TBC1D8: variants seen among roughly 807,000 people sequenced by gnomAD.
TBC1D8 encodes TBC1 domain family member 8, also known as BUB2-like protein 1.
TBC1D8 carries 65 observed loss-of-function variants against 118.8 expected under a neutral mutation model. That is an observed-to-expected ratio of 0.55 (90% CI 0.45 to 0.67). TBC1D8 has a LOEUF of 0.67. Ranked by LOEUF, TBC1D8 falls within the 30% of genes least tolerant of loss-of-function variation. The probability of loss-of-function intolerance (pLI) is 0.00; values close to 1 mark genes in which losing one functional copy is unlikely to be tolerated. For missense variants in TBC1D8, 1,376 were observed against 1,471.2 expected (o/e 0.94, Z 1.06); for synonymous variants, 566 against 595.8 (o/e 0.95, Z 0.73).
At chr2:101,066,397 C>T (rs1216536459) in intron 2 of TBC1D8, among the ~76,000 whole-genome samples, 1 of 151,884 alleles carries the variant, frequency 6.6e-6, no homozygotes, top group African/African-American at 2.4e-5. Context: ...AGACCCAGCT[C>T]AAACCTTTAG....
intron 1 of TBC1D8, among the ~76,000 whole-genome samples, chr2:101,127,084 T>TCCA (rs1008484254): frequency 8.5e-5 from 13 of 152,114 alleles, no homozygotes; most frequent in Non-Finnish European, 1.5e-4. Context: ...TACCTGTAAT[T>TCCA]CCAGCACTCT....
rs1573127545 is a variant in TBC1D8, at chr2:101,150,493, A to C, written c.127+634T>G. ...AATGCTTTGTTTTATCATCAACTTT[A>C]CGAGCCTGGGTTTTTTTTCCTATCA... On this transcript the variant is annotated intron_variant, in intron 1 of 19. Transcript: ENST00000409318. Among the ~76,000 whole-genome samples, 4 of 152,200 alleles carry C rather than the reference A, an allele frequency of 2.6e-5. No individual in the cohort carries two copies. In the East Asian group the frequency reaches 7.7e-4, roughly 29 times the overall value.
At chr2:101,122,113 C>T (rs1270339332) in intron 1 of TBC1D8, among the ~76,000 whole-genome samples, 15 of 147,152 alleles carry the variant, frequency 1.0e-4, no homozygotes, top group East Asian at 4.1e-4. Context: ...TGCTCTGCCG[C>T]GAGGCTGGAG....
intron 1 of TBC1D8, among the ~76,000 whole-genome samples, chr2:101,095,420 A>G (rs1357730062): frequency 2.3e-5 from 2 of 88,420 alleles, no homozygotes; most frequent in Admixed American, 2.9e-4. Context: ...ACCCCACAAC[A>G]GTCCCCGGTG....
At chr2:101,029,455 A>C (rs1275180860) in intron 12 of TBC1D8, 36 bp downstream of exon 12, 2 of 1,593,962 alleles carry the variant, frequency 1.3e-6, no homozygotes, top group East Asian at 4.5e-5. Flanking sequence ...TGCCTCCTCC[A>C]TCTCTGGTTG....
At chr2:101,026,024 A>C (rs1208014716) in intron 15 of TBC1D8, among the ~76,000 whole-genome samples, 3 of 152,234 alleles carry the variant, frequency 2.0e-5, no homozygotes, top group Admixed American at 1.3e-4. Flanking sequence ...ACAGGAAACA[A>C]ACATGGTTGG....
At chr2:101,011,357 A>G in intron 18 of TBC1D8, 94 bp downstream of exon 18, 1 of 1,230,162 alleles carries the variant, frequency 8.1e-7, no homozygotes, top group Non-Finnish European at 1.2e-6. Context: ...GGAAAAGACA[A>G]GGCTGCTACA....
At chr2:101,037,751 A>C (rs1681114159) in intron 7 of TBC1D8, 43 bp from the exon 8 acceptor site, 1 of 1,605,408 alleles carries the variant, frequency 6.2e-7, no homozygotes. Flanking sequence ...AGAGGAGAGG[A>C]GAAAATCATG....
At chr2:101,089,784 A>G (rs1675894237) in intron 2 of TBC1D8, among the ~76,000 whole-genome samples, 1 of 152,148 alleles carries the variant, frequency 6.6e-6, no homozygotes, top group Admixed American at 6.5e-5. Context: ...GCACATTGGT[A>G]AGTCAGAAAC....
chr2:101,147,558 G>C (rs554778688), intron 1 of TBC1D8, among the ~76,000 whole-genome samples: 3 of 152,292 alleles, frequency 2.0e-5, no homozygotes, highest in South Asian at 2.1e-4. Context: ...CTGGAGTGCG[G>C]TATTTCCTTG....
In TBC1D8 at chr2:101,040,421, G is replaced by GA. The variant is rs201545645; in HGVS notation, c.873-37dup. 21 of 1,551,044 alleles carry GA rather than the reference G, an allele frequency of 1.4e-5. No homozygotes were observed. In the East Asian group the frequency reaches 5.0e-4, roughly 37 times the overall value. On this transcript the variant is annotated intron_variant, in intron 5 of 19. Coordinates refer to ENST00000409318, the MANE Select transcript of TBC1D8 (RefSeq NM_001330348.2). ...ACAGGGAGAGAAGAAGAAGAGATAGGAAAGGTGAATGGACAGCCAAGATTA... is the reference window on the plus strand; with the variant it reads ...ACAGGGAGAGAAGAAGAAGAGATAGGAAAAGGTGAATGGACAGCCAAGATTA...
chr2:101,091,371 G>A (rs1349217245), intron 1 of TBC1D8, among the ~76,000 whole-genome samples: 1 of 152,120 alleles, frequency 6.6e-6, no homozygotes, highest in Non-Finnish European at 1.5e-5. Flanking sequence ...GCATTTTCCT[G>A]TAATGAGTGG....
chr2:101,094,183 G>A (rs1355342533), intron 1 of TBC1D8, among the ~76,000 whole-genome samples: 1 of 152,102 alleles, frequency 6.6e-6, no homozygotes, highest in Non-Finnish European at 1.5e-5. Context: ...ATACTCCTTA[G>A]GCTGCTCAGA....
intron 1 of TBC1D8, among the ~76,000 whole-genome samples, chr2:101,135,229 G>A (rs888460898): frequency 2.0e-5 from 3 of 152,132 alleles, no homozygotes; most frequent in African/African-American, 7.2e-5. Context: ...TGAGATACAC[G>A]TCTTGTCAAA....
At chr2:101,010,048 A>G (rs1056851086) in intron 19 of TBC1D8, among the ~76,000 whole-genome samples, 7 of 151,768 alleles carry the variant, frequency 4.6e-5, no homozygotes, top group African/African-American at 1.7e-4. Flanking sequence ...GGATGGTCTC[A>G]ATCTTCTGAC....
intron 5 of TBC1D8, among the ~76,000 whole-genome samples, chr2:101,043,715 G>A (rs897599766): frequency 6.6e-6 from 1 of 152,176 alleles, no homozygotes; most frequent in Non-Finnish European, 1.5e-5. Context: ...GCCGAGCTGG[G>A]CAGATCACGA....
chr2:101,029,771 G>C lies in TBC1D8; in HGVS notation c.1942C>G (p.Gln648Glu). 1 of 1,612,248 alleles carries C rather than the reference G, an allele frequency of 6.2e-7. No homozygotes were observed. Among genetic ancestry groups the C allele is most frequent in the Non-Finnish European group, 8.5e-7 (1 of 1,178,412 alleles). The change falls in exon 12 of 20, where the codon CAA becomes GAA. Residue 648 changes from glutamine to glutamate, a missense_variant. Gln to Glu is a conservative substitution (Grantham distance 29). Transcript: ENST00000409318. ...TCCTCGAAGACAGACTGGTCAACTT[G>C]TGCCCCTGGAAAAGAAAGGGCACAG... Reference protein sequence around the residue: ...DYFNHRVIGAQVDQSVFEELI... With the variant: ...DYFNHRVIGAEVDQSVFEELI...
intron 17 of TBC1D8, chr2:101,019,609 T>C (rs1679900666): frequency 6.6e-6 from 1 of 152,614 alleles, no homozygotes; most frequent in African/African-American, 2.4e-5. Flanking sequence ...TTGATTTAAA[T>C]TCAGAGTTAC....
At chr2:101,028,633 G>T in intron 12 of TBC1D8, 1 of 617,854 alleles carries the variant, frequency 1.6e-6, no homozygotes. Flanking sequence ...TCCACAGGTG[G>T]CTTTCCAGGC....
Sources: gnomAD v4.1 joint callset for allele counts (sites outside exome capture counted in the v4.1 genomes callset) on GRCh38, gnomAD v4.1.1 for gene constraint, MANE v1.5 for transcripts, NCBI Gene and HGNC (gene_info 2026-07-23, HGNC 2026-07-21) for gene names.